SLC15A1: variants seen among roughly 807,000 people sequenced by gnomAD.
The protein encoded by SLC15A1 is Caco-2 oligopeptide transporter.
SLC15A1 carries 83 observed loss-of-function variants against 92.9 expected under a neutral mutation model. The ratio of observed to expected loss-of-function variants is 0.89; its 90% CI spans 0.75 to 1.07. The LOEUF is 1.07. Among genes scored for constraint, SLC15A1 ranks in the 50% least tolerant of loss-of-function variants. The pLI is 0.00. For missense variants in SLC15A1, 857 were observed against 880.1 expected (o/e 0.97, Z 0.33); for synonymous variants, 322 against 318.2 (o/e 1.01, Z -0.13).
At chr13:98,703,916 T>TAGTGCAAATTTTTAAATTC (rs2088090649) in intron 17 of SLC15A1, among the ~76,000 whole-genome samples, 1 of 152,154 alleles carries the variant, frequency 6.6e-6, no homozygotes, top group Non-Finnish European at 1.5e-5. Context: ...TCTGACTATT[T>TAGTGCAAATTTTTAAATTC]AGTGCAAATT....
At chr13:98,720,366 G>C (rs1295031629) in intron 7 of SLC15A1, among the ~76,000 whole-genome samples, 1 of 152,130 alleles carries the variant, frequency 6.6e-6, no homozygotes, top group Non-Finnish European at 1.5e-5. Flanking sequence ...GCACCCTCTA[G>C]TAGAACATAG....
Position 98,752,592 on chromosome 13 carries a change from T to A in SLC15A1, c.4+3A>T. 8.0e-7 allele frequency: 1 copy of A among 1,257,164 alleles called. No individual in the cohort carries two copies. The highest frequency in any genetic ancestry group is 1.0e-6 in the Non-Finnish European group (1 of 1,001,080). 77.9% of individuals were successfully genotyped at this position (1,257,164 alleles called of 1,614,324 possible). A position where few individuals can be genotyped will look rare whatever the true frequency, so the allele number is the denominator to read the frequency against. On this transcript the variant is annotated splice_donor_region_variant and intron_variant, in intron 1 of 22. Transcript: ENST00000376503. ...CGGCCGGCCCCCCACCCGCCGAGCG[T>A]ACCCATGGCGGCGGCTCCCAGGGCT...
At chr13:98,708,506 G>A (rs1309532465) in intron 15 of SLC15A1, among the ~76,000 whole-genome samples, 180 bp downstream of exon 15, 1 of 152,002 alleles carries the variant, frequency 6.6e-6, no homozygotes. Flanking sequence ...TTCCCCTGCT[G>A]AAGCCCACCC....
chr13:98,700,883 A>G (rs2088061741), intron 18 of SLC15A1, among the ~76,000 whole-genome samples: 1 of 152,168 alleles, frequency 6.6e-6, no homozygotes, highest in Admixed American at 6.5e-5. Flanking sequence ...TTATTCATTC[A>G]TGTATGGGTC....
At chr13:98,726,810 G>C in intron 2 of SLC15A1, 33 bp downstream of exon 2, 1 of 1,603,126 alleles carries the variant, frequency 6.2e-7, no homozygotes, top group Non-Finnish European at 8.5e-7. Flanking sequence ...TTTACAAGAT[G>C]AAGATATGTA....
intron 11 of SLC15A1, among the ~76,000 whole-genome samples, chr13:98,711,155 CAT>C (rs2088160058): frequency 1.3e-5 from 2 of 152,222 alleles, no homozygotes; most frequent in South Asian, 4.1e-4. Flanking sequence ...GCTCAAACCA[CAT>C]GTGTTCATAT....
Position 98,684,707 on chromosome 13 carries a change from C to T in SLC15A1, c.*17G>A, listed in dbSNP as rs1365477184. ...GCATCTGCGGGCCCAGTCCATCCTC[C>T]ACTTGCCTCCTGACCTTCACATCTG... On this transcript the variant is annotated 3_prime_UTR_variant, in exon 23 of 23. Transcript: ENST00000376503. The T allele has an allele frequency of 1.9e-6, 3 of 1,612,004 alleles. No homozygotes were observed. Among genetic ancestry groups the T allele is most frequent in the South Asian group, 2.2e-5 (2 of 90,760 alleles).
In SLC15A1 at chr13:98,702,967, CAAAAAAAAAAAAA is replaced by C. The variant is rs535486738; in HGVS notation, c.1417-451_1417-439del. ...GGTGCAACAGGGGGAGATCCTGTCT[CAAAAAAAAAAAAA>C]AAAAAAAAAAAAAGAAAAGAAAAAG... On this transcript the variant is annotated intron_variant, in intron 17 of 22. Coordinates refer to ENST00000376503, the MANE Select transcript of SLC15A1 (RefSeq NM_005073.4). Among the ~76,000 whole-genome samples, 3 of 77,688 alleles carry C rather than the reference CAAAAAAAAAAAAA, an allele frequency of 3.9e-5. 1 individual carries two copies. Among genetic ancestry groups the C allele is most frequent in the Non-Finnish European group, 7.7e-5 (3 of 38,862 alleles). 51.0% of individuals were successfully genotyped at this position (77,688 alleles called of 152,430 possible). A position where few individuals can be genotyped will look rare whatever the true frequency, so the allele number is the denominator to read the frequency against.
Position 98,744,748 on chromosome 13 carries a change from C to CAAAAAAA in SLC15A1, c.4+7840_4+7846dup, listed in dbSNP as rs5806073. The stretch of plus-strand genomic sequence containing the variant: ...TGGGCGACAGAGCAAGATTCCATCT[C>CAAAAAAA]AAAAAAAAAAAAAAAAAAAAAAAAG... On this transcript the variant is annotated intron_variant, in intron 1 of 22. Coordinates refer to ENST00000376503, the MANE Select transcript of SLC15A1 (RefSeq NM_005073.4). Among the ~76,000 whole-genome samples, 5 of 82,372 alleles carry CAAAAAAA rather than the reference C, an allele frequency of 6.1e-5. No individual in the cohort carries two copies. The East Asian group carries it at 1.9e-3, about 32-fold the overall frequency. 54.0% of individuals were successfully genotyped at this position (82,372 alleles called of 152,430 possible).
At chr13:98,695,838 A>G (rs1037233624) in intron 18 of SLC15A1, among the ~76,000 whole-genome samples, 1 of 152,036 alleles carries the variant, frequency 6.6e-6, no homozygotes, top group African/African-American at 2.4e-5. Context: ...TTTAATTCAC[A>G]TATTGCTCAG....
chr13:98,728,020 T>C lies in SLC15A1; in HGVS notation c.5-1161A>G, dbSNP rs538198560. On this transcript the variant is annotated intron_variant, in intron 1 of 22. Coordinates refer to ENST00000376503, the MANE Select transcript of SLC15A1 (RefSeq NM_005073.4). ...GATTCTGTAGGCCTGAGATGGACAC[T>C]TGAGCTTGCATTTCTAACAAGCTCC... is the stretch of plus-strand genomic sequence containing the variant. Among the ~76,000 whole-genome samples, 8 of 152,332 alleles carry C rather than the reference T, an allele frequency of 5.3e-5. No individual in the cohort carries two copies. In the South Asian group the frequency reaches 1.7e-3, roughly 32 times the overall value.
At chr13:98,730,008 C>T (rs897366338) in intron 1 of SLC15A1, among the ~76,000 whole-genome samples, 10 of 151,958 alleles carry the variant, frequency 6.6e-5, no homozygotes, top group Non-Finnish European at 1.2e-4. Context: ...AGTTGGAGAC[C>T]AGCCTGGCCA....
chr13:98,693,044 G>A (rs1241512578), intron 18 of SLC15A1, among the ~76,000 whole-genome samples: 5 of 148,958 alleles, frequency 3.4e-5, no homozygotes, highest in Non-Finnish European at 5.9e-5. Context: ...CAGCCAAGGG[G>A]TCCAGTTTAC....
intron 1 of SLC15A1, among the ~76,000 whole-genome samples, chr13:98,747,063 A>G (rs1455805609): frequency 6.6e-6 from 1 of 152,084 alleles, no homozygotes; most frequent in African/African-American, 2.4e-5. Context: ...CCTCCTTTGT[A>G]TCACATCCAT....
Position 98,750,820 on chromosome 13 carries a change from T to C in SLC15A1, c.4+1775A>G, listed in dbSNP as rs147115440. On this transcript the variant is annotated intron_variant, in intron 1 of 22. Coordinates refer to ENST00000376503, the MANE Select transcript of SLC15A1 (RefSeq NM_005073.4). The stretch of plus-strand genomic sequence containing the variant: ...AGGCTGGAGTGCGGTGGCACCACGT[T>C]GGCTCACTGCAACCTTCGTCTCCTG... Among the ~76,000 whole-genome samples the C allele has an allele frequency of 4.1e-3, 622 of 151,860 alleles. 7 individuals carry two copies. The highest frequency in any genetic ancestry group is 0.014 in the African/African-American group (594 of 41,394).
Position 98,688,335 on chromosome 13 carries a change from T to C in SLC15A1, c.1596A>G (p.Ser532=). The C allele has an allele frequency of 6.2e-7, 1 of 1,613,916 alleles. No individual in the cohort carries two copies. The highest frequency in any genetic ancestry group is 8.5e-7 in the Non-Finnish European group (1 of 1,179,942). The change falls in exon 20 of 23, where the codon TCA becomes TCG. Residue 532 remains serine, a synonymous_variant. Coordinates refer to ENST00000376503, the MANE Select transcript of SLC15A1 (RefSeq NM_005073.4). ...PSGIKGFTIS[S]TEIPPQCQPN... ...GTTGACATTGTGGCGGAATCTCTGTTGAGCTTATTGTGAAGCCTTTTCTAT... is the reference window on the plus strand; with the variant it reads ...GTTGACATTGTGGCGGAATCTCTGTCGAGCTTATTGTGAAGCCTTTTCTAT...
intron 4 of SLC15A1, among the ~76,000 whole-genome samples, chr13:98,725,812 C>T (rs1221442395): frequency 6.6e-6 from 1 of 152,118 alleles, no homozygotes; most frequent in African/African-American, 2.4e-5. Flanking sequence ...GCAGCCTTGA[C>T]CTCTGGGGCT....
At chr13:98,723,009 T>C (rs6491443) in intron 5 of SLC15A1, among the ~76,000 whole-genome samples, 114,573 of 152,156 alleles carry the variant, frequency 0.75, 43,608 homozygotes, top group African/African-American at 0.87. Context: ...AACTGAGGCA[T>C]AGAGGTTAAG....
Position 98,728,992 on chromosome 13 carries a change from A to AAAAAAAAAAAAAAC in SLC15A1, c.5-2134_5-2133insGTTTTTTTTTTTTT, listed in dbSNP as rs2088325154. On this transcript the variant is annotated intron_variant, in intron 1 of 22. Coordinates refer to ENST00000376503, the MANE Select transcript of SLC15A1 (RefSeq NM_005073.4). ...TAAGGCTCTGTAAAAAAAAAAAAAA[A>AAAAAAAAAAAAAAC]AAAAAAAAAAAAAACAACAAGCCCC... is the stretch of plus-strand genomic sequence containing the variant. Among the ~76,000 whole-genome samples the AAAAAAAAAAAAAAC allele has an allele frequency of 9.5e-5, 14 of 146,676 alleles. 1 individual carries two copies. Among genetic ancestry groups the AAAAAAAAAAAAAAC allele is most frequent in the Non-Finnish European group, 1.7e-4 (11 of 66,584 alleles).
Sources: allele counts gnomAD v4.1 joint callset (sites outside exome capture counted in the v4.1 genomes callset), GRCh38; gene constraint gnomAD v4.1.1; transcripts MANE v1.5; gene names NCBI Gene and HGNC (gene_info 2026-07-23, HGNC 2026-07-21).